PLGRKT: variants seen among roughly 807,000 people sequenced by gnomAD.
PLGRKT encodes plasminogen receptor (KT).
In PLGRKT, 22 loss-of-function variants were observed where a neutral mutation model predicts 18.5. The observed-to-expected ratio is 1.19, with a 90% CI of 0.85 to 1.70. PLGRKT has a LOEUF of 1.70. Among genes scored for constraint, PLGRKT ranks in the 40% most tolerant of loss-of-function variants. The pLI is 0.00. For synonymous variants in PLGRKT, 72 were observed against 52.8 expected (o/e 1.36, Z -1.58); for missense variants, 235 against 174.4 (o/e 1.35, Z -1.96).
At chr9:5,390,076 C>T (rs1006698049) in intron 3 of PLGRKT, among the ~76,000 whole-genome samples, 5 of 151,664 alleles carry the variant, frequency 3.3e-5, no homozygotes, top group African/African-American at 1.2e-4. Context: ...GGAACCAATG[C>T]AGGCCATCTA....
intron 3 of PLGRKT, among the ~76,000 whole-genome samples, chr9:5,399,364 C>T (rs1295780051): frequency 6.6e-6 from 1 of 151,864 alleles, no homozygotes; most frequent in Non-Finnish European, 1.5e-5. Context: ...AAAACAAAAT[C>T]CTTGCCATTA....
Position 5,424,268 on chromosome 9 carries a change from T to C in PLGRKT, c.81+7629A>G, listed in dbSNP as rs1001827487. 2.9e-5 allele frequency among the ~76,000 whole-genome samples: 4 copies of C among 137,422 alleles called. No homozygotes were observed. The East Asian group carries it at 7.9e-4, about 27-fold the overall frequency. 90.2% of individuals were successfully genotyped at this position (137,422 alleles called of 152,430 possible). A position where few individuals can be genotyped will look rare whatever the true frequency, so the allele number is the denominator to read the frequency against. ...TATAGTATATATACACTATATGTCA[T>C]ATATTATATATAATATATATTAGAT... On this transcript the variant is annotated intron_variant, in intron 3 of 5. Coordinates refer to ENST00000223864, the MANE Select transcript of PLGRKT (RefSeq NM_018465.4).
At chr9:5,382,132 G>C (rs1817759031) in intron 3 of PLGRKT, 1 of 458,522 alleles carries the variant, frequency 2.2e-6, no homozygotes, top group South Asian at 9.4e-5. Context: ...AACTATTCAT[G>C]ATGACTCTCT....
intron 5 of PLGRKT, among the ~76,000 whole-genome samples, chr9:5,360,554 G>C (rs780838860): frequency 6.6e-6 from 1 of 152,098 alleles, no homozygotes; most frequent in Non-Finnish European, 1.5e-5. Flanking sequence ...GCCTTGATTT[G>C]GCAACAACAG....
chr9:5,403,228 T>C (rs1818190137), intron 3 of PLGRKT, among the ~76,000 whole-genome samples: 1 of 150,170 alleles, frequency 6.7e-6, no homozygotes, highest in African/African-American at 2.5e-5. Flanking sequence ...TTTTTTCTTT[T>C]TTTTTTTTTT....
At chr9:5,432,248 A>G (rs575782373) in intron 2 of PLGRKT, among the ~76,000 whole-genome samples, 2 of 152,306 alleles carry the variant, frequency 1.3e-5, no homozygotes, top group South Asian at 4.2e-4. Flanking sequence ...CTCTATAAGT[A>G]TATGGCTGTT....
chr9:5,391,682 G>C (rs1242883772), intron 3 of PLGRKT, among the ~76,000 whole-genome samples: 1 of 151,910 alleles, frequency 6.6e-6, no homozygotes, highest in Non-Finnish European at 1.5e-5. Flanking sequence ...CTTCTCCATG[G>C]ATGAACCAAT....
chr9:5,379,948 C>T (rs113314743), intron 3 of PLGRKT, among the ~76,000 whole-genome samples: 8,853 of 152,178 alleles, frequency 0.058, 390 homozygotes, highest in African/African-American at 0.12. Context: ...GAAATGCATA[C>T]AAGACTATTC....
At chr9:5,380,601 CCT>C (rs1321957748) in intron 3 of PLGRKT, among the ~76,000 whole-genome samples, 1 of 152,044 alleles carries the variant, frequency 6.6e-6, no homozygotes, top group Non-Finnish European at 1.5e-5. Context: ...CTTTTCCTTC[CCT>C]GTTTTACTGA....
At chr9:5,391,056 T>C (rs1817940874) in intron 3 of PLGRKT, among the ~76,000 whole-genome samples, 1 of 151,934 alleles carries the variant, frequency 6.6e-6, no homozygotes, top group Middle Eastern at 3.2e-3. Flanking sequence ...AAAAGATACC[T>C]AGCACATCCC....
intron 3 of PLGRKT, among the ~76,000 whole-genome samples, chr9:5,421,554 C>A (rs547067470): frequency 6.6e-6 from 1 of 152,312 alleles, no homozygotes; most frequent in East Asian, 1.9e-4. Flanking sequence ...CAGTATAGAG[C>A]AGGGGCTCCT....
chr9:5,383,431 G>A (rs1167753407), intron 3 of PLGRKT, among the ~76,000 whole-genome samples: 1 of 152,202 alleles, frequency 6.6e-6, no homozygotes, highest in East Asian at 1.9e-4. Context: ...CAGTTTCATG[G>A]AAAACAATTT....
intron 3 of PLGRKT, among the ~76,000 whole-genome samples, chr9:5,365,743 G>A (rs555355225): frequency 2.6e-5 from 4 of 152,280 alleles, no homozygotes; most frequent in Middle Eastern, 3.4e-3. Flanking sequence ...ATGGTAAGAT[G>A]TTAACAGCAG....
intron 3 of PLGRKT, among the ~76,000 whole-genome samples, chr9:5,370,899 C>T (rs954788569): frequency 1.3e-5 from 2 of 152,060 alleles, no homozygotes; most frequent in South Asian, 4.1e-4. Flanking sequence ...GGAAGAATCT[C>T]AATGAGGAAA....
At position 5,367,020 on chromosome 9, in the gene PLGRKT, TACACACACATACAC is replaced by T. The variant is rs1321544865; in HGVS notation, c.82-5146_82-5133del. Among the ~76,000 whole-genome samples the T allele has an allele frequency of 2.1e-3, 124 of 58,220 alleles. 1 individual carries two copies. Among genetic ancestry groups the T allele is most frequent in the African/African-American group, 6.3e-3 (108 of 17,024 alleles). The allele number at this position is 58,220 out of a possible 152,430, so 38.2% of individuals were successfully genotyped here. A position where few individuals can be genotyped will look rare whatever the true frequency, so the allele number is the denominator to read the frequency against. ...ATCCCATTTACAACAGACAGACAGATACACACACATACACACACACACACACACACACACACACA... is the reference window on the plus strand; with the variant it reads ...ATCCCATTTACAACAGACAGACAGATACACACACACACACACACACACACA... On this transcript the variant is annotated intron_variant, in intron 3 of 5. Transcript: ENST00000223864.
intron 3 of PLGRKT, among the ~76,000 whole-genome samples, chr9:5,365,921 T>C (rs1473517175): frequency 6.6e-6 from 1 of 152,166 alleles, no homozygotes; most frequent in Non-Finnish European, 1.5e-5. Flanking sequence ...CTTTCATAGA[T>C]AAATTATGAA....
chr9:5,415,613 G>C (rs969078072), intron 3 of PLGRKT, among the ~76,000 whole-genome samples: 3 of 152,060 alleles, frequency 2.0e-5, no homozygotes, highest in African/African-American at 7.2e-5. Flanking sequence ...AAGTGATCAA[G>C]GTTAACACCA....
chr9:5,397,941 G>A (rs1818084291), intron 3 of PLGRKT, among the ~76,000 whole-genome samples: 1 of 151,856 alleles, frequency 6.6e-6, no homozygotes, highest in Non-Finnish European at 1.5e-5. Context: ...AACTAGAACG[G>A]GGAGGCATAG....
At chr9:5,377,155 T>C (rs1817644946) in intron 3 of PLGRKT, among the ~76,000 whole-genome samples, 1 of 152,052 alleles carries the variant, frequency 6.6e-6, no homozygotes, top group Admixed American at 6.6e-5. Context: ...TCCTACATTG[T>C]GAAGGCTAGC....
Sources: gnomAD v4.1 joint callset for allele counts (sites outside exome capture counted in the v4.1 genomes callset) on GRCh38, gnomAD v4.1.1 for gene constraint, MANE v1.5 for transcripts, NCBI Gene and HGNC (gene_info 2026-07-23, HGNC 2026-07-21) for gene names.